DMD: variants seen among roughly 807,000 people sequenced by gnomAD.
DMD encodes dystrophin, also known as mutant dystrophin.
DMD carries 63 observed loss-of-function variants against 330.1 expected under a neutral mutation model. That is an observed-to-expected ratio of 0.19 (90% CI 0.16 to 0.24). DMD has a LOEUF of 0.24. Among genes scored for constraint, DMD ranks in the 10% least tolerant of loss-of-function variants. The probability of loss-of-function intolerance (pLI) is 1.00; values close to 1 mark genes in which losing one functional copy is unlikely to be tolerated. For synonymous variants in DMD, 1,223 were observed against 959.8 expected (o/e 1.27, Z -5.07); for missense variants, 3,344 against 2,684.1 (o/e 1.25, Z -5.43).
intron 52 of DMD, among the ~76,000 whole-genome samples, chrX:31,711,415 G>A (rs1029771216): frequency 1.8e-5 from 2 of 111,581 alleles, no homozygotes; most frequent in Admixed American, 1.9e-4. Flanking sequence ...GCCAATCTCC[G>A]GTTTTTAATT....
chrX:32,266,460 C>T (rs1283625436), intron 43 of DMD, among the ~76,000 whole-genome samples: 1 of 111,946 alleles, frequency 8.9e-6, no homozygotes, highest in Non-Finnish European at 1.9e-5. Flanking sequence ...TAATGCTAAA[C>T]TGTATTTTTA....
intron 44 of DMD, among the ~76,000 whole-genome samples, chrX:32,183,211 GC>G (rs1335778017): frequency 9.0e-6 from 1 of 110,797 alleles, no homozygotes; most frequent in East Asian, 2.8e-4. Context: ...ATTATCAGTA[GC>G]CTAGACATTC....
intron 44 of DMD, among the ~76,000 whole-genome samples, chrX:32,187,216 T>C: frequency 9.0e-6 from 1 of 111,131 alleles, no homozygotes; most frequent in Non-Finnish European, 1.9e-5. Flanking sequence ...ATCATCTCTT[T>C]TTCTAAAATA....
At chrX:32,133,523 C>T (rs1394830134) in intron 44 of DMD, among the ~76,000 whole-genome samples, 1 of 111,729 alleles carries the variant, frequency 9.0e-6, no homozygotes, top group Non-Finnish European at 1.9e-5. Flanking sequence ...ATTCAATTGC[C>T]TATTCAATAT....
At chrX:33,186,926 C>T (rs1037322689) in intron 1 of DMD, among the ~76,000 whole-genome samples, 14 of 111,890 alleles carry the variant, frequency 1.3e-4, no homozygotes, top group Non-Finnish European at 2.1e-4. Context: ...CTGTTCACAA[C>T]ATTTTGCTTT....
At chrX:32,455,559 A>G (rs763047583) in intron 25 of DMD, among the ~76,000 whole-genome samples, 1 of 111,319 alleles carries the variant, frequency 9.0e-6, no homozygotes, top group Non-Finnish European at 1.9e-5. Flanking sequence ...AACATATAAA[A>G]ATGTTAATGT....
At chrX:32,883,823 C>CA (rs56150142) in intron 2 of DMD, among the ~76,000 whole-genome samples, 5,526 of 30,221 alleles carry the variant, frequency 0.18, 1,370 homozygotes, top group Non-Finnish European at 0.21. Flanking sequence ...GACTCTGTTT[C>CA]AAAAAAAAAA....
At chrX:31,753,671 C>T (rs2088801522) in intron 51 of DMD, among the ~76,000 whole-genome samples, 1 of 111,577 alleles carries the variant, frequency 9.0e-6, no homozygotes, top group Admixed American at 9.6e-5. Flanking sequence ...TCTGATGATT[C>T]TGAGAAAAAT....
chrX:32,939,647 T>C (rs750998969), intron 2 of DMD, among the ~76,000 whole-genome samples: 313 of 111,198 alleles, frequency 2.8e-3, no homozygotes, highest in African/African-American at 9.1e-3. Flanking sequence ...TCTATGACTC[T>C]CCATATAAGT....
intron 55 of DMD, among the ~76,000 whole-genome samples, chrX:31,565,984 G>A (rs1355536222): frequency 1.8e-5 from 2 of 111,790 alleles, no homozygotes; most frequent in African/African-American, 6.5e-5. Flanking sequence ...TTACCTTGCA[G>A]TTTTGAGAGT....
chrX:31,524,497 A>G (rs1853240568), intron 55 of DMD, among the ~76,000 whole-genome samples: 1 of 111,630 alleles, frequency 9.0e-6, no homozygotes, highest in Non-Finnish European at 1.9e-5. Flanking sequence ...ACCATACATC[A>G]TCGTGCCATG....
chrX:32,194,535 C>A (rs1361295039), intron 44 of DMD, among the ~76,000 whole-genome samples: 1 of 112,135 alleles, frequency 8.9e-6, no homozygotes, highest in Non-Finnish European at 1.9e-5. Flanking sequence ...CCTCTATTCA[C>A]TGCCGAGTAA....
chrX:32,073,787 T>A (rs1158490708), intron 44 of DMD, among the ~76,000 whole-genome samples: 1 of 111,889 alleles, frequency 8.9e-6, no homozygotes, highest in South Asian at 3.7e-4. Flanking sequence ...ATATAAATTC[T>A]GATTTAAACA....
intron 44 of DMD, among the ~76,000 whole-genome samples, chrX:32,052,225 TAC>T (rs1282894833): frequency 9.1e-6 from 1 of 110,346 alleles, no homozygotes; most frequent in Non-Finnish European, 1.9e-5. Context: ...CACATAAAGA[TAC>T]ACTCTTGCTC....
At chrX:32,020,426 C>T (rs2095798422) in intron 44 of DMD, among the ~76,000 whole-genome samples, 1 of 112,432 alleles carries the variant, frequency 8.9e-6, no homozygotes, top group Non-Finnish European at 1.9e-5. Context: ...GTCTCCTCAA[C>T]CCCATTCATA....
At chrX:31,979,851 C>G (rs899621776) in intron 44 of DMD, among the ~76,000 whole-genome samples, 2 of 111,964 alleles carry the variant, frequency 1.8e-5, no homozygotes, top group Non-Finnish European at 3.8e-5. Context: ...TATGAATGAC[C>G]TCAAAATGAT....
At chrX:32,386,207 T>A in intron 33 of DMD, 103 bp downstream of exon 33, 1 of 916,500 alleles carries the variant, frequency 1.1e-6, no homozygotes, top group Admixed American at 2.2e-5. Flanking sequence ...GAGAGAGGTG[T>A]TTAGAATTGC....
intron 1 of DMD, among the ~76,000 whole-genome samples, chrX:33,138,529 T>C (rs1161786113): frequency 8.9e-6 from 1 of 112,191 alleles, no homozygotes; most frequent in Non-Finnish European, 1.9e-5. Flanking sequence ...TATTGCTCCT[T>C]GCATTTGCTA....
At chrX:32,084,417 G>A (rs1001062637) in intron 44 of DMD, among the ~76,000 whole-genome samples, 5 of 111,364 alleles carry the variant, frequency 4.5e-5, no homozygotes. Flanking sequence ...AAATGTCTCT[G>A]CCCAAAGTGA....
Sources: gnomAD v4.1 joint callset for allele counts (sites outside exome capture counted in the v4.1 genomes callset) on GRCh38, gnomAD v4.1.1 for gene constraint, MANE v1.5 for transcripts, NCBI Gene and HGNC (gene_info 2026-07-23, HGNC 2026-07-21) for gene names.